Variants in ROBO1 observed in about 807,000 individuals in gnomAD.
ROBO1 encodes the protein roundabout guidance receptor 1.
ROBO1 carries 149 observed loss-of-function variants against 195.9 expected under a neutral mutation model. The observed-to-expected ratio is 0.76, with a 90% CI of 0.67 to 0.87. ROBO1 has a LOEUF of 0.87. ROBO1 is among the 40% of genes least tolerant of loss of function. ROBO1 has a pLI of 0.00. For missense variants in ROBO1, 1,933 were observed against 2,068.3 expected, an observed-to-expected ratio of 0.93 and a Z score of 1.27; for synonymous variants, 816 against 733.2, an observed-to-expected ratio of 1.11 and a Z score of -1.82.
intron 2 of ROBO1, among the ~76,000 whole-genome samples, chr3:79,431,392 G>C (rs1163958112): frequency 6.6e-6 from 1 of 152,064 alleles, no homozygotes; most frequent in Non-Finnish European, 1.5e-5. Flanking sequence ...GGTCCCCCAA[G>C]TTTCTTGGCT....
intron 3 of ROBO1, among the ~76,000 whole-genome samples, chr3:79,089,943 T>TTC (rs33965182): frequency 0.17 from 913 of 5,448 alleles, 15 homozygotes; most frequent in African/African-American, 0.19. Flanking sequence ...TTCTTTCTTT[T>TTC]TTTTTTTTTT....
chr3:78,820,305 T>C (rs1317784118), intron 4 of ROBO1, among the ~76,000 whole-genome samples: 1 of 152,214 alleles, frequency 6.6e-6, no homozygotes, highest in East Asian at 1.9e-4. Context: ...ATTTTATATT[T>C]AGTCATTTTA....
intron 3 of ROBO1, among the ~76,000 whole-genome samples, chr3:79,081,472 C>T (rs1174742130): frequency 6.6e-6 from 1 of 152,134 alleles, no homozygotes; most frequent in South Asian, 2.1e-4. Flanking sequence ...TACACAATAC[C>T]GAGCTTTGTC....
chr3:78,621,413 G>C (rs1275096715), intron 26 of ROBO1, among the ~76,000 whole-genome samples: 3 of 152,142 alleles, frequency 2.0e-5, no homozygotes. Flanking sequence ...CACTATGAAA[G>C]GATGCCAGCA....
chr3:79,616,586 G>A (rs531142457), intron 1 of ROBO1, among the ~76,000 whole-genome samples: 2 of 152,178 alleles, frequency 1.3e-5, no homozygotes, highest in South Asian at 4.2e-4. Context: ...AGGTGACTGT[G>A]TGCTTCCATT....
intron 2 of ROBO1, among the ~76,000 whole-genome samples, chr3:79,329,353 C>T (rs916628968): frequency 6.6e-6 from 1 of 152,164 alleles, no homozygotes; most frequent in African/African-American, 2.4e-5. Flanking sequence ...CTCATCAATG[C>T]TGTCAATATT....
intron 3 of ROBO1, among the ~76,000 whole-genome samples, chr3:79,070,355 A>T (rs1200550679): frequency 2.0e-5 from 3 of 151,856 alleles, no homozygotes; most frequent in Non-Finnish European, 2.9e-5. Flanking sequence ...CTAAGTAAGG[A>T]CCATCTTTTA....
At chr3:79,247,936 C>A (rs989197202) in intron 2 of ROBO1, among the ~76,000 whole-genome samples, 15 of 152,106 alleles carry the variant, frequency 9.9e-5, no homozygotes, top group African/African-American at 3.6e-4. Flanking sequence ...GAATGTGTTT[C>A]CCTGCCGGAA....
chr3:79,180,058 AC>A (rs1291915310), intron 2 of ROBO1, among the ~76,000 whole-genome samples: 1 of 152,096 alleles, frequency 6.6e-6, no homozygotes, highest in Non-Finnish European at 1.5e-5. Context: ...CAATTTACCC[AC>A]TGCCTTGAGT....
rs931175149 is a variant in ROBO1 at position 79,683,785 on chromosome 3, CT to C, written c.-51+83966del. On this transcript the variant is annotated intron_variant, in intron 1 of 30. Transcript: ENST00000464233. ...TGCAGCATATATCAGCCCTTCATTC[CT>C]TTTTTTTGACTGAATAATATTTCAT... Among the ~76,000 whole-genome samples, 11 of 151,780 alleles carry C rather than the reference CT, an allele frequency of 7.2e-5. No homozygotes were observed. The East Asian group carries it at 1.4e-3, about 19-fold the overall frequency.
chr3:79,750,404 G>A (rs1390082045), intron 1 of ROBO1, among the ~76,000 whole-genome samples: 1 of 152,176 alleles, frequency 6.6e-6, no homozygotes, highest in Non-Finnish European at 1.5e-5. Context: ...AGCTCTGGGG[G>A]ACTGTTAGGA....
intron 5 of ROBO1, among the ~76,000 whole-genome samples, chr3:78,719,091 T>A (rs1027479525): frequency 6.6e-5 from 10 of 152,196 alleles, no homozygotes; most frequent in African/African-American, 2.4e-4. Flanking sequence ...AACAAAGTTT[T>A]TAATTTTTAT....
At chr3:79,181,180 AC>A (rs1280946238) in intron 2 of ROBO1, among the ~76,000 whole-genome samples, 1 of 151,956 alleles carries the variant, frequency 6.6e-6, no homozygotes, top group African/African-American at 2.4e-5. Flanking sequence ...CTATCCTCAC[AC>A]CCTCTCTTCT....
intron 2 of ROBO1, among the ~76,000 whole-genome samples, chr3:79,527,300 T>G (rs532083978): frequency 3.7e-4 from 56 of 152,312 alleles, no homozygotes; most frequent in Middle Eastern, 6.8e-3. Context: ...GTTAAAGTAC[T>G]GTAAAATATG....
At chr3:79,034,658 T>G (rs2078352802) in intron 3 of ROBO1, among the ~76,000 whole-genome samples, 1 of 152,136 alleles carries the variant, frequency 6.6e-6, no homozygotes, top group African/African-American at 2.4e-5. Flanking sequence ...GTTATTAAAT[T>G]GAATATTACA....
Position 79,681,006 on chromosome 3 carries a change from T to C in ROBO1, c.-51+86746A>G, listed in dbSNP as rs138090360. On this transcript the variant is annotated intron_variant, in intron 1 of 30. Coordinates refer to ENST00000464233, the MANE Select transcript of ROBO1 (RefSeq NM_002941.4). The stretch of plus-strand genomic sequence containing the variant: ...TTGAGTGCAGCACAAGGAAGATCTT[T>C]GGAAAAAATGAGTTCAAGGAATCAA... Among the ~76,000 whole-genome samples, 652 of 152,026 alleles carry C rather than the reference T, an allele frequency of 4.3e-3. 8 individuals carry two copies. Among genetic ancestry groups the C allele is most frequent in the African/African-American group, 0.015 (624 of 41,544 alleles).
At chr3:78,685,347 A>G (rs2081028072) in intron 10 of ROBO1, among the ~76,000 whole-genome samples, 2 of 152,140 alleles carry the variant, frequency 1.3e-5, no homozygotes, top group Admixed American at 6.5e-5. Flanking sequence ...GTTCATTATC[A>G]TAAGTTGTGA....
At chr3:79,766,660 C>T (rs1705014539) in intron 1 of ROBO1, among the ~76,000 whole-genome samples, 1 of 152,090 alleles carries the variant, frequency 6.6e-6, no homozygotes, top group African/African-American at 2.4e-5. Flanking sequence ...GGCTCGCCTG[C>T]TTCTCCCCAT....
chr3:78,891,104 A>G (rs1008575495), intron 4 of ROBO1, among the ~76,000 whole-genome samples: 1 of 152,214 alleles, frequency 6.6e-6, no homozygotes, highest in Non-Finnish European at 1.5e-5. Flanking sequence ...GGTTGACACA[A>G]CTATAAAGAA....
Sources: gnomAD v4.1 joint callset for allele counts (sites outside exome capture counted in the v4.1 genomes callset) on GRCh38, gnomAD v4.1.1 for gene constraint, MANE v1.5 for transcripts, NCBI Gene and HGNC (gene_info 2026-07-23, HGNC 2026-07-21) for gene names.